The following LRRTM4 variants were observed in gnomAD, a reference collection of about 807,000 sequenced individuals.
The protein encoded by LRRTM4 is leucine-rich repeat transmembrane neuronal protein 4.
A neutral mutation model predicts 47.6 loss-of-function variants in LRRTM4; 25 were observed. The ratio of observed to expected loss-of-function variants is 0.53; its 90% CI spans 0.38 to 0.73. The LOEUF (loss-of-function observed/expected upper bound fraction) is 0.73. Among genes scored for constraint, LRRTM4 ranks in the 30% least tolerant of loss-of-function variants. LRRTM4 has a pLI of 0.00. For missense variants in LRRTM4, 638 were observed against 713.4 expected, an observed-to-expected ratio of 0.89 and a Z score of 1.20; for synonymous variants, 311 against 269.5, an observed-to-expected ratio of 1.15 and a Z score of -1.51.
chr2:76,775,744 T>C (rs1035450287), intron 3 of LRRTM4, among the ~76,000 whole-genome samples: 1 of 152,032 alleles, frequency 6.6e-6, no homozygotes, highest in African/African-American at 2.4e-5. Context: ...CTCATTTCTC[T>C]CTCTTTTTTT....
At chr2:76,967,128 TCTC>T (rs1231898432) in intron 3 of LRRTM4, among the ~76,000 whole-genome samples, 1 of 151,308 alleles carries the variant, frequency 6.6e-6, no homozygotes, top group African/African-American at 2.4e-5. Context: ...TTATTATGTT[TCTC>T]CTTTCAGAAT....
intron 3 of LRRTM4, among the ~76,000 whole-genome samples, chr2:76,969,082 GA>G (rs1232738648): frequency 5.9e-5 from 9 of 151,812 alleles, no homozygotes; most frequent in Non-Finnish European, 1.2e-4. Context: ...TAAAGTTGAA[GA>G]AATTCAATTT....
At chr2:77,284,766 G>T (rs940223514) in intron 3 of LRRTM4, among the ~76,000 whole-genome samples, 2 of 152,016 alleles carry the variant, frequency 1.3e-5, no homozygotes, top group Non-Finnish European at 2.9e-5. Flanking sequence ...GTGAGGAAGA[G>T]GCAAATTATA....
At chr2:77,001,190 A>G (rs534952758) in intron 3 of LRRTM4, among the ~76,000 whole-genome samples, 5 of 152,118 alleles carry the variant, frequency 3.3e-5, no homozygotes, top group African/African-American at 4.8e-5. Context: ...CTGCAGAGAA[A>G]CCTGTACCAG....
chr2:76,974,443 C>A (rs72823131), intron 3 of LRRTM4, among the ~76,000 whole-genome samples: 1 of 150,646 alleles, frequency 6.6e-6, no homozygotes, highest in Non-Finnish European at 1.5e-5. Flanking sequence ...ATTATTGTTA[C>A]AACATATGGA....
At chr2:76,820,663 A>T (rs1671027872) in intron 3 of LRRTM4, among the ~76,000 whole-genome samples, 1 of 151,864 alleles carries the variant, frequency 6.6e-6, no homozygotes, top group Middle Eastern at 3.4e-3. Context: ...AATTACTTAC[A>T]ACACATCATC....
chr2:76,812,015 T>G (rs566879354), intron 3 of LRRTM4, among the ~76,000 whole-genome samples: 1 of 152,342 alleles, frequency 6.6e-6, no homozygotes, highest in African/African-American at 2.4e-5. Context: ...AGAATTGTAT[T>G]TCAAACACTG....
chr2:77,364,975 G>T (rs1321703649), intron 3 of LRRTM4, among the ~76,000 whole-genome samples: 1 of 151,894 alleles, frequency 6.6e-6, no homozygotes, highest in African/African-American at 2.4e-5. Context: ...CCAGTGAGAA[G>T]GATTCCACTT....
chr2:77,305,713 G>A (rs1677252182), intron 3 of LRRTM4, among the ~76,000 whole-genome samples: 1 of 141,830 alleles, frequency 7.1e-6, no homozygotes, highest in Non-Finnish European at 1.5e-5. Flanking sequence ...TTTTTGATAT[G>A]ATACCTCAAA....
At chr2:77,231,282 A>C (rs77640165) in intron 3 of LRRTM4, among the ~76,000 whole-genome samples, 3,312 of 151,992 alleles carry the variant, frequency 0.022, 134 homozygotes, top group African/African-American at 0.076. Flanking sequence ...CAGATAGGCA[A>C]TGTTTGGCAA....
intron 3 of LRRTM4, among the ~76,000 whole-genome samples, chr2:77,225,325 G>T (rs1201007825): frequency 1.3e-5 from 2 of 149,652 alleles, no homozygotes; most frequent in African/African-American, 5.0e-5. Flanking sequence ...TAACAAACCT[G>T]CACGTTGTGC....
intron 3 of LRRTM4, among the ~76,000 whole-genome samples, chr2:77,411,384 TTC>T (rs1432113756): frequency 1.3e-5 from 2 of 151,696 alleles, no homozygotes; most frequent in Admixed American, 6.6e-5. Flanking sequence ...CTTTCTTTCT[TTC>T]TCTCTTTCTT....
At chr2:76,911,428 C>G (rs975459040) in intron 3 of LRRTM4, among the ~76,000 whole-genome samples, 1 of 152,226 alleles carries the variant, frequency 6.6e-6, no homozygotes, top group African/African-American at 2.4e-5. Context: ...AAAACAATTA[C>G]ATCAATCTGA....
intron 3 of LRRTM4, among the ~76,000 whole-genome samples, chr2:77,344,460 A>G (rs1022170470): frequency 2.6e-5 from 4 of 151,874 alleles, no homozygotes; most frequent in African/African-American, 7.2e-5. Context: ...AAAAAATTCA[A>G]TGAAACTGAA....
At chr2:77,081,623 T>C (rs1680537288) in intron 3 of LRRTM4, among the ~76,000 whole-genome samples, 1 of 151,910 alleles carries the variant, frequency 6.6e-6, no homozygotes, top group East Asian at 1.9e-4. Flanking sequence ...TCCCAAAAAA[T>C]GGCAAGTATA....
chr2:76,915,955 G>GT (rs1674228702), intron 3 of LRRTM4, among the ~76,000 whole-genome samples: 1 of 152,118 alleles, frequency 6.6e-6, no homozygotes, highest in Non-Finnish European at 1.5e-5. Context: ...TTAAAAGGCA[G>GT]TTTGTTAGTG....
intron 3 of LRRTM4, among the ~76,000 whole-genome samples, chr2:76,902,078 A>T (rs1673656177): frequency 1.3e-5 from 2 of 152,186 alleles, no homozygotes; most frequent in Non-Finnish European, 2.9e-5. Flanking sequence ...CCTCTGGCTA[A>T]GGAATAGAGA....
intron 3 of LRRTM4, among the ~76,000 whole-genome samples, chr2:76,815,313 C>G (rs569769158): frequency 6.6e-6 from 1 of 152,050 alleles, no homozygotes; most frequent in African/African-American, 2.4e-5. Context: ...TAACGGGTGA[C>G]TGTGTTGCTC....
chr2:77,157,773 T>A (rs1426287803), intron 3 of LRRTM4, among the ~76,000 whole-genome samples: 1 of 152,154 alleles, frequency 6.6e-6, no homozygotes, highest in African/African-American at 2.4e-5. Flanking sequence ...GCTGAAACGA[T>A]TGAACCTGAG....
Sources: allele counts gnomAD v4.1 joint callset (sites outside exome capture counted in the v4.1 genomes callset), GRCh38; gene constraint gnomAD v4.1.1; transcripts MANE v1.5; gene names NCBI Gene and HGNC (gene_info 2026-07-23, HGNC 2026-07-21).